The following TACR3 variants were observed in gnomAD, a reference collection of about 807,000 sequenced individuals.
TACR3 encodes the protein neuromedin-K receptor.
TACR3 carries 34 observed loss-of-function variants against 35.0 expected under a neutral mutation model. The ratio of observed to expected loss-of-function variants is 0.97; its 90% CI spans 0.74 to 1.30. The LOEUF (loss-of-function observed/expected upper bound fraction) is 1.30. TACR3 is among the 50% of genes most tolerant of loss of function. The probability of loss-of-function intolerance (pLI) is 0.00; values close to 1 mark genes in which losing one functional copy is unlikely to be tolerated. For synonymous variants in TACR3, 233 were observed against 221.1 expected, an observed-to-expected ratio of 1.05 and a Z score of -0.48; for missense variants, 558 against 591.7, an observed-to-expected ratio of 0.94 and a Z score of 0.59.
At chr4:103,691,352 G>T (rs1722398267) in intron 1 of TACR3, among the ~76,000 whole-genome samples, 1 of 152,100 alleles carries the variant, frequency 6.6e-6, no homozygotes, top group Non-Finnish European at 1.5e-5. Context: ...AGTCTTAAAG[G>T]TTACATGTTG....
chr4:103,635,122 T>G (rs989696800), intron 3 of TACR3, among the ~76,000 whole-genome samples: 3 of 152,020 alleles, frequency 2.0e-5, no homozygotes, highest in African/African-American at 4.8e-5. Context: ...ATATGCATAT[T>G]TATATGAGTA....
chr4:103,598,403 T>C (rs989925111), intron 3 of TACR3, among the ~76,000 whole-genome samples: 2 of 152,242 alleles, frequency 1.3e-5, no homozygotes, highest in Admixed American at 1.3e-4. Context: ...TTCTGTAGGT[T>C]GCCTGTTCAC....
intron 3 of TACR3, among the ~76,000 whole-genome samples, chr4:103,602,175 C>T (rs994689458): frequency 1.3e-5 from 2 of 152,166 alleles, no homozygotes; most frequent in African/African-American, 2.4e-5. Context: ...CAGTTGATCG[C>T]ATCGGCTACT....
At chr4:103,682,984 G>A (rs1722134968) in intron 1 of TACR3, among the ~76,000 whole-genome samples, 1 of 152,092 alleles carries the variant, frequency 6.6e-6, no homozygotes, top group Non-Finnish European at 1.5e-5. Flanking sequence ...CATCACATAT[G>A]CCACGTTTTA....
intron 3 of TACR3, among the ~76,000 whole-genome samples, chr4:103,637,032 C>T (rs530506860): frequency 6.6e-6 from 1 of 152,254 alleles, no homozygotes; most frequent in East Asian, 1.9e-4. Context: ...GGTACCATTC[C>T]TTCTGAAACT....
intron 1 of TACR3, among the ~76,000 whole-genome samples, chr4:103,674,845 C>A (rs937462837): frequency 6.6e-6 from 1 of 152,136 alleles, no homozygotes; most frequent in Non-Finnish European, 1.5e-5. Context: ...CCACCGCGCC[C>A]GGCCTACATG....
At position 103,589,519 on chromosome 4, in the gene TACR3, T is replaced by C. The variant is rs1723843718; in HGVS notation, c.*163A>G. On this transcript the variant is annotated 3_prime_UTR_variant, in exon 5 of 5. Transcript: ENST00000304883. ...TGGAGGCTAACATGTTATTAGTGTCTTTGTCACATTTATACACTACCTTTC... is the reference window on the plus strand; with the variant it reads ...TGGAGGCTAACATGTTATTAGTGTCCTTGTCACATTTATACACTACCTTTC... 7.2e-6 allele frequency: 5 copies of C among 694,680 alleles called. No individual in the cohort carries two copies. In the South Asian group the frequency reaches 7.7e-5, roughly 11 times the overall value. The allele number at this position is 694,680 out of a possible 1,614,324, so 43.0% of individuals were successfully genotyped here. A position where few individuals can be genotyped will look rare whatever the true frequency, so the allele number is the denominator to read the frequency against.
intron 3 of TACR3, among the ~76,000 whole-genome samples, chr4:103,594,298 C>A (rs1723957388): frequency 1.3e-5 from 2 of 152,048 alleles, no homozygotes. Flanking sequence ...CTGCCTCAGC[C>A]TCCCAAGTAG....
chr4:103,626,225 A>G (rs1724887614), intron 3 of TACR3, among the ~76,000 whole-genome samples: 1 of 152,186 alleles, frequency 6.6e-6, no homozygotes, highest in Non-Finnish European at 1.5e-5. Flanking sequence ...AGGTAGATCC[A>G]TGTTGAGTCA....
intron 3 of TACR3, among the ~76,000 whole-genome samples, chr4:103,601,620 G>T (rs958313239): frequency 2.6e-5 from 4 of 152,056 alleles, no homozygotes; most frequent in African/African-American, 9.7e-5. Flanking sequence ...GTCTGTAGAG[G>T]ATATTATTTC....
In TACR3 at chr4:103,658,382, G is replaced by T. The variant is rs146292386; in HGVS notation, c.570C>A (p.Pro190=). ...AVDRYMAIID[P]LKPRLSATAT... is the part of the protein sequence containing the mutation. Reference sequence around the variant, plus strand: ...CTGTAGCAGACAGTCTGGGTTTCAAGGGATCAATAATAGCCATATACCTAT... The same window carrying T: ...CTGTAGCAGACAGTCTGGGTTTCAATGGATCAATAATAGCCATATACCTAT... Residue 190 remains proline (P), a synonymous_variant, in exon 2 of 5, where the codon CCC becomes CCA. Coordinates refer to ENST00000304883, the MANE Select transcript of TACR3 (RefSeq NM_001059.3). 1 of 1,613,626 alleles carries T rather than the reference G, an allele frequency of 6.2e-7. No homozygotes were observed. Among genetic ancestry groups the T allele is most frequent in the East Asian group, 2.2e-5 (1 of 44,766 alleles).
intron 1 of TACR3, among the ~76,000 whole-genome samples, chr4:103,677,478 C>T (rs1726195122): frequency 1.3e-5 from 2 of 152,000 alleles, no homozygotes; most frequent in African/African-American, 4.8e-5. Context: ...CAGCAATAGA[C>T]TAGATAAAGA....
chr4:103,627,181 CAAAAAAAAAAAAA>C (rs33988758), intron 3 of TACR3, among the ~76,000 whole-genome samples: 13 of 24,706 alleles, frequency 5.3e-4, no homozygotes, highest in African/African-American at 2.0e-3. Context: ...GACTCCGTCT[CAAAAAAAAAAAAA>C]AAAAAAAAAA....
chr4:103,589,397 G>T lies in TACR3; in HGVS notation c.*285C>A, dbSNP rs1723840747. 2.8e-6 allele frequency: 1 copy of T among 363,566 alleles called. No homozygotes were observed. The highest frequency in any genetic ancestry group is 5.1e-6 in the Non-Finnish European group (1 of 196,212). 22.5% of individuals were successfully genotyped at this position (363,566 alleles called of 1,614,324 possible). ...TTGCAATTTGTAAATGAGATAGACT[G>T]GCGAGTTTACAAGTATTTTCCTGAC... On this transcript the variant is annotated 3_prime_UTR_variant, in exon 5 of 5. Coordinates refer to ENST00000304883, the MANE Select transcript of TACR3 (RefSeq NM_001059.3).
intron 3 of TACR3, among the ~76,000 whole-genome samples, chr4:103,629,058 A>G (rs1028302745): frequency 8.5e-5 from 13 of 152,200 alleles, no homozygotes; most frequent in African/African-American, 3.1e-4. Flanking sequence ...ATCTCAACAG[A>G]TGCACAAAAG....
Position 103,591,688 on chromosome 4 carries a change from A to G in TACR3, c.889-5T>C. 6.2e-7 allele frequency: 1 copy of G among 1,607,994 alleles called. No individual in the cohort carries two copies. The highest frequency in any genetic ancestry group is 8.5e-7 in the Non-Finnish European group (1 of 1,177,178). On this transcript the variant is annotated splice_region_variant and splice_polypyrimidine_tract_variant and intron_variant, in intron 3 of 4. Coordinates refer to ENST00000304883, the MANE Select transcript of TACR3 (RefSeq NM_001059.3). ...AATAATCATCATTTTGACAACCTATAAAGAAAAAAAGTCATTTTTGACAAA... is the reference window on the plus strand; with the variant it reads ...AATAATCATCATTTTGACAACCTATGAAGAAAAAAAGTCATTTTTGACAAA...
intron 3 of TACR3, among the ~76,000 whole-genome samples, chr4:103,635,106 A>G (rs1364877713): frequency 6.6e-6 from 1 of 152,028 alleles, no homozygotes; most frequent in Non-Finnish European, 1.5e-5. Flanking sequence ...TTATATATGC[A>G]CACATATATG....
chr4:103,658,152 A>T, intron 2 of TACR3, 63 bp downstream of exon 2: 1 of 1,508,122 alleles, frequency 6.6e-7, no homozygotes, highest in Non-Finnish European at 9.2e-7. Context: ...TGTTGCTCCT[A>T]ATCTGTAGTT....
chr4:103,671,784 T>A (rs1214362180), intron 1 of TACR3, among the ~76,000 whole-genome samples: 1 of 151,948 alleles, frequency 6.6e-6, no homozygotes, highest in East Asian at 1.9e-4. Context: ...TAAACTTCCC[T>A]CTTAGTCCTG....
Sources: gnomAD v4.1 joint callset for allele counts (sites outside exome capture counted in the v4.1 genomes callset) on GRCh38, gnomAD v4.1.1 for gene constraint, MANE v1.5 for transcripts, NCBI Gene and HGNC (gene_info 2026-07-23, HGNC 2026-07-21) for gene names.